Variants in ASTN2 observed in about 807,000 individuals in gnomAD.
ASTN2 encodes astrotactin-2.
In ASTN2, 54 loss-of-function variants were observed where a neutral mutation model predicts 139.8. That is an observed-to-expected ratio of 0.39 (90% CI 0.31 to 0.48). ASTN2 has a LOEUF of 0.48. Among genes scored for constraint, ASTN2 ranks in the 20% least tolerant of loss-of-function variants. The probability of loss-of-function intolerance (pLI) is 0.95; values close to 1 mark genes in which losing one functional copy is unlikely to be tolerated. For synonymous variants in ASTN2, 756 were observed against 719.5 expected, an observed-to-expected ratio of 1.05 and a Z score of -0.81; for missense variants, 1,565 against 1,725.1, an observed-to-expected ratio of 0.91 and a Z score of 1.64.
chr9:117,000,494 A>G (rs552114779), intron 7 of ASTN2, among the ~76,000 whole-genome samples: 1 of 152,366 alleles, frequency 6.6e-6, no homozygotes, highest in East Asian at 1.9e-4. Context: ...ACAGATGTGC[A>G]GAACTTTAAT....
chr9:116,716,145 T>G (rs1228092620), intron 16 of ASTN2, among the ~76,000 whole-genome samples: 2 of 152,170 alleles, frequency 1.3e-5, no homozygotes, highest in Non-Finnish European at 2.9e-5. Context: ...TGTCTGGGAC[T>G]GTGACTGTGA....
chr9:117,296,851 G>A (rs1834749519), intron 1 of ASTN2, among the ~76,000 whole-genome samples: 1 of 152,122 alleles, frequency 6.6e-6, no homozygotes, highest in Non-Finnish European at 1.5e-5. Context: ...TGCAACTCGT[G>A]AAATATTCAA....
At chr9:116,656,124 A>G (rs1252439035) in intron 16 of ASTN2, among the ~76,000 whole-genome samples, 1 of 152,212 alleles carries the variant, frequency 6.6e-6, no homozygotes, top group African/African-American at 2.4e-5. Flanking sequence ...AAAAGACAGC[A>G]TCAGTTTTGC....
At chr9:117,187,066 T>A (rs1260238524) in intron 3 of ASTN2, among the ~76,000 whole-genome samples, 1 of 152,012 alleles carries the variant, frequency 6.6e-6, no homozygotes, top group Non-Finnish European at 1.5e-5. Context: ...AAGGCAGAGG[T>A]CACAGTGAGC....
At chr9:116,819,005 G>T (rs1831410897) in intron 12 of ASTN2, among the ~76,000 whole-genome samples, 1 of 152,126 alleles carries the variant, frequency 6.6e-6, no homozygotes, top group Admixed American at 6.5e-5. Flanking sequence ...AAATTTTACT[G>T]GTGAGAAAAT....
intron 20 of ASTN2, among the ~76,000 whole-genome samples, chr9:116,458,308 AAG>A (rs1211950103): frequency 1.3e-5 from 2 of 151,928 alleles, no homozygotes; most frequent in Non-Finnish European, 2.9e-5. Context: ...TTGATAGCAA[AAG>A]AGAGTGACTA....
At chr9:116,607,468 A>G (rs1855265511) in intron 19 of ASTN2, among the ~76,000 whole-genome samples, 1 of 152,144 alleles carries the variant, frequency 6.6e-6, no homozygotes, top group Non-Finnish European at 1.5e-5. Flanking sequence ...GGCTACAGGA[A>G]GAAGGGCCTA....
At chr9:117,319,083 T>C (rs985003577) in intron 1 of ASTN2, among the ~76,000 whole-genome samples, 4 of 152,208 alleles carry the variant, frequency 2.6e-5, no homozygotes, top group African/African-American at 9.6e-5. Flanking sequence ...AAAAGAACCA[T>C]TTATTCCGAT....
At chr9:117,261,318 T>C (rs371572177) in intron 2 of ASTN2, among the ~76,000 whole-genome samples, 1 of 152,232 alleles carries the variant, frequency 6.6e-6, no homozygotes, top group Non-Finnish European at 1.5e-5. Context: ...AGAAGTAGGA[T>C]GACCATGTGC....
At chr9:117,412,513 G>C (rs1831196196) in intron 1 of ASTN2, among the ~76,000 whole-genome samples, 3 of 152,180 alleles carry the variant, frequency 2.0e-5, no homozygotes, top group South Asian at 4.1e-4. Flanking sequence ...GAAAGCCAAA[G>C]TTAAAAATGG....
chr9:117,302,745 A>G (rs1010774154), intron 1 of ASTN2, among the ~76,000 whole-genome samples: 7 of 152,096 alleles, frequency 4.6e-5, no homozygotes, highest in African/African-American at 1.7e-4. Flanking sequence ...AACCTGTAAA[A>G]CCCAGTGACC....
intron 1 of ASTN2, among the ~76,000 whole-genome samples, chr9:117,406,005 AG>A (rs1653533824): frequency 6.6e-6 from 1 of 152,170 alleles, no homozygotes; most frequent in Non-Finnish European, 1.5e-5. Context: ...CACTCTTAAC[AG>A]GGTAGTGCAA....
chr9:116,682,727 A>G lies in ASTN2; in HGVS notation c.2807-30934T>C, dbSNP rs369866358. On this transcript the variant is annotated intron_variant, in intron 16 of 22. Transcript: ENST00000313400. ...AATGATGAGTTCATGTCCTTTGTAG[A>G]GACATGGATGAAATTGGAAATCATC... 4.6e-5 allele frequency among the ~76,000 whole-genome samples: 7 copies of G among 152,072 alleles called. No homozygotes were observed. The East Asian group carries it at 5.8e-4, about 13-fold the overall frequency.
chr9:116,602,697 G>C (rs756323277), intron 19 of ASTN2, among the ~76,000 whole-genome samples: 4 of 152,196 alleles, frequency 2.6e-5, no homozygotes, highest in Non-Finnish European at 5.9e-5. Flanking sequence ...GGGAGGCCAA[G>C]GCAGGCAGAT....
At chr9:116,578,667 T>TGTGTGTGTGTG (rs1853827351) in intron 19 of ASTN2, among the ~76,000 whole-genome samples, 2 of 140,750 alleles carry the variant, frequency 1.4e-5, no homozygotes, top group African/African-American at 2.6e-5. Flanking sequence ...TGTGTGTGTG[T>TGTGTGTGTGTG]TTCTACTGTA....
rs768832812 is a variant in ASTN2, at chr9:117,414,625, G to A, written c.314C>T (p.Pro105Leu). 20 of 1,467,964 alleles carry A rather than the reference G, an allele frequency of 1.4e-5. No homozygotes were observed. Among genetic ancestry groups the A allele is most frequent in the South Asian group, 2.8e-5 (2 of 72,450 alleles). The allele number at this position is 1,467,964 out of a possible 1,614,324, so 90.9% of individuals were successfully genotyped here. ...GGTGCCGGCAGAGCCAGGAGAGCCC[G>A]GGGACGCGGCGGCGGCGGCGGCTCC... ...GAGAAAAAAS[P>L]GSPGSAGTAA... The change falls in exon 1 of 23, where the codon CCG (proline) becomes CTG (leucine). Residue 105 changes from proline to leucine, a missense_variant. Physicochemically the swap from Pro to Leu is moderately conservative, Grantham distance 98 (BLOSUM62 -3). Transcript: ENST00000313400. The surrounding 1 kb of genome is among the most constrained non-coding windows in gnomAD (Gnocchi z 4.2).
intron 2 of ASTN2, among the ~76,000 whole-genome samples, chr9:117,290,029 G>A (rs912096365): frequency 3.9e-5 from 6 of 152,184 alleles, no homozygotes; most frequent in South Asian, 2.1e-4. Context: ...ACTAAAGGTC[G>A]CTCCGTTGTG....
At chr9:117,096,198 GT>G in intron 4 of ASTN2, 47 bp from the exon 5 acceptor site, 1 of 1,501,150 alleles carries the variant, frequency 6.7e-7, no homozygotes, top group Non-Finnish European at 9.3e-7. Flanking sequence ...GCCTCCAGAA[GT>G]TTGTGAGATT....
intron 5 of ASTN2, among the ~76,000 whole-genome samples, chr9:117,040,490 G>A (rs910744550): frequency 5.9e-5 from 9 of 152,028 alleles, no homozygotes; most frequent in African/African-American, 2.2e-4. Flanking sequence ...GCGGAGTCTC[G>A]CTTTGTCGCC....
Sources: gnomAD v4.1 joint callset for allele counts (sites outside exome capture counted in the v4.1 genomes callset) on GRCh38, gnomAD v4.1.1 for gene constraint, Gnocchi (gnomAD v3.1) non-coding constraint, MANE v1.5 for transcripts, NCBI Gene and HGNC (gene_info 2026-07-23, HGNC 2026-07-21) for gene names.